CADM2: variants seen among roughly 807,000 people sequenced by gnomAD.
CADM2 encodes cell adhesion molecule 2, also known as immunoglobulin superfamily member 4D.
Under a neutral mutation model 49.8 loss-of-function variants are expected in CADM2, and 12 were observed. The ratio of observed to expected loss-of-function variants is 0.24; its 90% confidence interval spans 0.15 to 0.39. The LOEUF (loss-of-function observed/expected upper bound fraction) is 0.39. CADM2 is among the 10% of genes least tolerant of loss of function. The probability of loss-of-function intolerance (pLI) is 1.00; values close to 1 mark genes in which losing one functional copy is unlikely to be tolerated. For synonymous variants in CADM2, 214 were observed against 175.4 expected (o/e 1.22, Z -1.74); for missense variants, 378 against 492.3 (o/e 0.77, Z 2.20).
chr3:85,524,336 C>T (rs943893488), intron 1 of CADM2, among the ~76,000 whole-genome samples: 2 of 151,880 alleles, frequency 1.3e-5, no homozygotes, highest in East Asian at 1.9e-4. Context: ...TATGTTTTAA[C>T]GAATGTACTC....
chr3:85,672,269 T>C (rs1577060239), intron 1 of CADM2, among the ~76,000 whole-genome samples: 1 of 148,682 alleles, frequency 6.7e-6, no homozygotes, highest in East Asian at 2.1e-4. Flanking sequence ...CTCTGCTCAC[T>C]GCAAGCTCCG....
rs557362846 is a variant in CADM2 at position 86,001,479 on chromosome 3, ATGGATATGAGTGCTTTGAT to A, written c.970+39835_970+39853del. On this transcript the variant is annotated intron_variant, in intron 8 of 9. Coordinates refer to ENST00000383699, the MANE Select transcript of CADM2 (RefSeq NM_001167675.2). The stretch of plus-strand genomic sequence containing the variant: ...CAGTTCCCAGTAGTCCATATTTTAA[ATGGATATGAGTGCTTTGAT>A]TGAGAAGATATAGGATTATGATTAG... 6.6e-5 allele frequency among the ~76,000 whole-genome samples: 10 copies of A among 152,232 alleles called. No homozygotes were observed. In the South Asian group the frequency reaches 1.9e-3, roughly 28 times the overall value.
intron 1 of CADM2, among the ~76,000 whole-genome samples, chr3:85,371,495 G>A (rs1474703046): frequency 1.3e-5 from 2 of 151,728 alleles, no homozygotes; most frequent in African/African-American, 4.8e-5. Flanking sequence ...TAGGTGTGCA[G>A]TAGGCTATAC....
chr3:85,825,742 T>C (rs1015521083), intron 3 of CADM2, among the ~76,000 whole-genome samples: 1 of 152,126 alleles, frequency 6.6e-6, no homozygotes, highest in African/African-American at 2.4e-5. Context: ...TTTAAAAATG[T>C]TATGACAGCC....
chr3:85,233,785 A>C (rs1400101403), intron 1 of CADM2, among the ~76,000 whole-genome samples: 2 of 152,108 alleles, frequency 1.3e-5, no homozygotes, highest in Non-Finnish European at 2.9e-5. Flanking sequence ...GTTAATCCTG[A>C]CTTGTTTCAC....
intron 1 of CADM2, among the ~76,000 whole-genome samples, chr3:85,145,834 A>G (rs901906844): frequency 1.8e-4 from 28 of 152,138 alleles, no homozygotes; most frequent in Non-Finnish European, 3.4e-4. Flanking sequence ...TTTACATGGA[A>G]CATATAAGTT....
chr3:85,992,065 T>C (rs1340227215), intron 8 of CADM2: 1 of 151,822 alleles, frequency 6.6e-6, no homozygotes, highest in Admixed American at 6.6e-5. Flanking sequence ...TCTTACTTAG[T>C]GTATTTTTCA....
At chr3:85,629,877 A>C (rs1055456601) in intron 1 of CADM2, among the ~76,000 whole-genome samples, 11 of 152,018 alleles carry the variant, frequency 7.2e-5, no homozygotes, top group African/African-American at 1.9e-4. Context: ...CAATTTTTTC[A>C]TGTATAAAAT....
At chr3:85,227,618 G>A (rs533854303) in intron 1 of CADM2, among the ~76,000 whole-genome samples, 1 of 151,958 alleles carries the variant, frequency 6.6e-6, no homozygotes, top group East Asian at 1.9e-4. Flanking sequence ...TTTAATTGGG[G>A]CATTTAGCCC....
rs912226821 is a variant in CADM2, at chr3:85,251,113, T to C, written c.61+291445T>C. On this transcript the variant is annotated intron_variant, in intron 1 of 9. Coordinates refer to ENST00000383699, the MANE Select transcript of CADM2 (RefSeq NM_001167675.2). ...GTTAAGTTTTAAATTGAGTTTTTTT[T>C]CCATTTTTCTACTAGAACAGTAACC... Among the ~76,000 whole-genome samples the C allele has an allele frequency of 3.9e-5, 6 of 151,900 alleles. 1 individual carries two copies. The highest frequency in any genetic ancestry group is 2.6e-4 in the Admixed American group (4 of 15,230).
intron 1 of CADM2, among the ~76,000 whole-genome samples, chr3:85,149,535 G>C (rs1279642079): frequency 6.6e-6 from 1 of 151,986 alleles, no homozygotes; most frequent in East Asian, 1.9e-4. Context: ...GACCATCCTG[G>C]CTAACAGGGT....
chr3:85,509,708 T>G (rs2106829632), intron 1 of CADM2, among the ~76,000 whole-genome samples: 1 of 152,210 alleles, frequency 6.6e-6, no homozygotes, highest in South Asian at 2.1e-4. Flanking sequence ...AATAAATAGT[T>G]ATATCAAAAA....
chr3:85,595,684 C>T (rs2063222225), intron 1 of CADM2, among the ~76,000 whole-genome samples: 1 of 151,888 alleles, frequency 6.6e-6, no homozygotes, highest in Non-Finnish European at 1.5e-5. Flanking sequence ...AAGATAAAAC[C>T]TGATACAGTT....
At chr3:85,461,993 C>T (rs981192376) in intron 1 of CADM2, among the ~76,000 whole-genome samples, 1 of 152,164 alleles carries the variant, frequency 6.6e-6, no homozygotes, top group Non-Finnish European at 1.5e-5. Context: ...TTCCACAGTA[C>T]TTTGGCCCAA....
At chr3:85,196,813 G>A (rs1158082125) in intron 1 of CADM2, among the ~76,000 whole-genome samples, 8 of 151,932 alleles carry the variant, frequency 5.3e-5, no homozygotes. Flanking sequence ...AAGTTTTTAG[G>A]AGAATCAAAT....
At chr3:85,279,935 T>G (rs1449784963) in intron 1 of CADM2, among the ~76,000 whole-genome samples, 1 of 151,668 alleles carries the variant, frequency 6.6e-6, no homozygotes, top group Non-Finnish European at 1.5e-5. Flanking sequence ...GGAAATCAAC[T>G]GCTTATTAGA....
chr3:85,321,585 T>C (rs1190417566), intron 1 of CADM2, among the ~76,000 whole-genome samples: 2 of 152,192 alleles, frequency 1.3e-5, no homozygotes, highest in Non-Finnish European at 2.9e-5. Context: ...GTTCTCAATA[T>C]CACTTTTCAT....
At chr3:85,488,287 T>C (rs963089996) in intron 1 of CADM2, among the ~76,000 whole-genome samples, 1 of 152,174 alleles carries the variant, frequency 6.6e-6, no homozygotes, top group Non-Finnish European at 1.5e-5. Flanking sequence ...GTGCTCCTTG[T>C]CCCAATTCTG....
At chr3:84,975,498 C>A (rs2031760836) in intron 1 of CADM2, among the ~76,000 whole-genome samples, 1 of 151,478 alleles carries the variant, frequency 6.6e-6, no homozygotes, top group African/African-American at 2.4e-5. Flanking sequence ...CTAATGAAAA[C>A]CCGGATATAA....
Sources: gnomAD v4.1 joint callset for allele counts (sites outside exome capture counted in the v4.1 genomes callset) on GRCh38, gnomAD v4.1.1 for gene constraint, MANE v1.5 for transcripts, NCBI Gene and HGNC (gene_info 2026-07-23, HGNC 2026-07-21) for gene names.